RFC3: variants seen among roughly 807,000 people sequenced by gnomAD.
RFC3 encodes replication factor C subunit 3, also known as A1 38 kDa subunit.
In RFC3, 41 loss-of-function variants were observed where a neutral mutation model predicts 45.1. That is an observed-to-expected ratio of 0.91 (90% CI 0.71 to 1.18). The LOEUF (loss-of-function observed/expected upper bound fraction) is 1.18, where lower values mean the gene tolerates loss of function less well. Among genes scored for constraint, RFC3 ranks in the 50% most tolerant of loss-of-function variants. The pLI is 0.00. For synonymous variants in RFC3, 149 were observed against 144.0 expected, an observed-to-expected ratio of 1.03 and a Z score of -0.25; for missense variants, 423 against 428.1, an observed-to-expected ratio of 0.99 and a Z score of 0.10.
At chr13:33,906,358 A>T (rs1044509790) in intron 8 of RFC3, among the ~76,000 whole-genome samples, 6 of 152,136 alleles carry the variant, frequency 3.9e-5, no homozygotes, top group African/African-American at 1.4e-4. Flanking sequence ...TCAAGGTAAG[A>T]ATGTTGGTTT....
chr13:33,967,486 C>CTTTTTTTTTTTTTTTTTTTTTTTTTTTT (rs11393413), downstream of RFC3, among the ~76,000 whole-genome samples: 1 of 119,470 alleles, frequency 8.4e-6, no homozygotes, highest in African/African-American at 3.2e-5. Flanking sequence ...ACCAGCAATT[C>CTTTTTTTTTTTTTTTTTTTTTTTTTTTT]TTTTTTTTTT....
chr13:33,928,797 C>T (rs1470440972), intron 8 of RFC3, among the ~76,000 whole-genome samples: 1 of 151,542 alleles, frequency 6.6e-6, no homozygotes, highest in African/African-American at 2.4e-5. Flanking sequence ...ATGTCTGTTA[C>T]AGCAAATACT....
intron 8 of RFC3, among the ~76,000 whole-genome samples, chr13:33,931,152 A>G (rs1330034838): frequency 1.3e-5 from 2 of 152,272 alleles, no homozygotes; most frequent in Admixed American, 6.5e-5. Flanking sequence ...AGAAAGCAAC[A>G]TAGTGAGAAT....
At chr13:33,893,072 G>A (rs570808041) in intron 8 of RFC3, among the ~76,000 whole-genome samples, 25 of 152,284 alleles carry the variant, frequency 1.6e-4, no homozygotes, top group African/African-American at 5.1e-4. Context: ...AGGACAGGCC[G>A]AGAGAAGGGA....
downstream of RFC3, among the ~76,000 whole-genome samples, chr13:33,842,455 A>G (rs1255953815): frequency 6.6e-6 from 1 of 152,226 alleles, no homozygotes; most frequent in Non-Finnish European, 1.5e-5. Flanking sequence ...CTTGCGTGTT[A>G]GTAATCAACC....
intron 8 of RFC3, among the ~76,000 whole-genome samples, chr13:33,911,929 GCTT>G (rs1383935835): frequency 6.6e-6 from 1 of 152,046 alleles, no homozygotes; most frequent in African/African-American, 2.4e-5. Context: ...AGACATTAAT[GCTT>G]CTTCTTGTCA....
intron 7 of RFC3, among the ~76,000 whole-genome samples, chr13:33,834,589 A>C (rs1005815578): frequency 6.6e-6 from 1 of 151,822 alleles, no homozygotes; most frequent in Non-Finnish European, 1.5e-5. Flanking sequence ...TATCCCTGCC[A>C]CATTGCTTTT....
chr13:33,966,822 T>C (rs1376533291), downstream of RFC3, among the ~76,000 whole-genome samples: 2 of 152,188 alleles, frequency 1.3e-5, no homozygotes, highest in South Asian at 2.1e-4. Flanking sequence ...CAAACCAACA[T>C]GCAAGTAAAT....
At chr13:33,828,192 T>C (rs1255770187) in intron 4 of RFC3, among the ~76,000 whole-genome samples, 1 of 152,098 alleles carries the variant, frequency 6.6e-6, no homozygotes, top group Non-Finnish European at 1.5e-5. Context: ...TGACCTTGTG[T>C]TCTGAGCTCT....
At chr13:33,973,871 C>A in the RFC3 span, among the ~76,000 whole-genome samples, 3 of 151,892 alleles carry the variant, frequency 2.0e-5, no homozygotes, top group Non-Finnish European at 2.9e-5. Flanking sequence ...GGCTGGTCTG[C>A]AACTCCTGAC....
At chr13:33,951,039 CTT>C (rs926664684) in intron 8 of RFC3, among the ~76,000 whole-genome samples, 483 of 60,794 alleles carry the variant, frequency 7.9e-3, no homozygotes, top group Non-Finnish European at 0.011. Context: ...TCTGATGGCT[CTT>C]TTTTTTTTTT....
At chr13:33,850,212 A>G (rs562909336) in intron 8 of RFC3, 142 of 152,230 alleles carry the variant, frequency 9.3e-4, no homozygotes, top group African/African-American at 3.2e-3. Context: ...TATTTTACAC[A>G]GTTTTTTCTT....
chr13:33,873,891 C>T (rs748710263), intron 8 of RFC3, among the ~76,000 whole-genome samples: 24 of 152,164 alleles, frequency 1.6e-4, no homozygotes, highest in Non-Finnish European at 2.8e-4. Context: ...TTCCTTTAAG[C>T]ATCTTTCCTC....
rs117068781 is a variant in RFC3 at position 33,940,272 on chromosome 13, A to G, written c.880-25815A>G. Among the ~76,000 whole-genome samples, 23 of 152,202 alleles carry G rather than the reference A, an allele frequency of 1.5e-4. No individual in the cohort carries two copies. In the East Asian group the frequency reaches 2.1e-3, roughly 14 times the overall value. On this transcript the variant is annotated intron_variant, in intron 8 of 8. Coordinates refer to the RFC3 transcript ENST00000434425. ...TCAACTGCCCTCCACAAATTTTATT[A>G]TATCTGATATTTACTATCAGGTTCA...
intron 8 of RFC3, among the ~76,000 whole-genome samples, chr13:33,855,520 G>T (rs549079102): frequency 6.6e-6 from 1 of 152,088 alleles, no homozygotes; most frequent in Non-Finnish European, 1.5e-5. Context: ...TGGAATAATA[G>T]TTCTATTTTT....
chr13:33,895,572 CAG>C (rs1566019911), intron 8 of RFC3, among the ~76,000 whole-genome samples: 1 of 152,180 alleles, frequency 6.6e-6, no homozygotes, highest in South Asian at 2.1e-4. Context: ...CTATGGAAAA[CAG>C]TGTGGATATT....
chr13:33,835,670 A>G (rs1357305324), intron 8 of RFC3, among the ~76,000 whole-genome samples: 1 of 152,144 alleles, frequency 6.6e-6, no homozygotes, highest in Non-Finnish European at 1.5e-5. Flanking sequence ...ACACTTTAGT[A>G]TGGATGTTGT....
intron 8 of RFC3, among the ~76,000 whole-genome samples, chr13:33,954,218 G>A (rs2083007299): frequency 6.6e-6 from 1 of 152,098 alleles, no homozygotes; most frequent in African/African-American, 2.4e-5. Flanking sequence ...GATTTTGGGG[G>A]AAAAGAATGG....
chr13:33,930,947 A>G (rs940037987), intron 8 of RFC3, among the ~76,000 whole-genome samples: 11 of 152,194 alleles, frequency 7.2e-5, no homozygotes, highest in African/African-American at 2.4e-4. Flanking sequence ...TTTCTAAGGC[A>G]TCTAGGTGAT....
Sources: gnomAD v4.1 joint callset for allele counts (sites outside exome capture counted in the v4.1 genomes callset) on GRCh38, gnomAD v4.1.1 for gene constraint, MANE v1.5 for transcripts, NCBI Gene and HGNC (gene_info 2026-07-23, HGNC 2026-07-21) for gene names.